Variants in AARS2 observed in about 807,000 individuals in gnomAD.
AARS2 encodes alanine--tRNA ligase, mitochondrial.
A neutral mutation model predicts 119.7 loss-of-function variants in AARS2; 78 were observed. That is an observed-to-expected ratio of 0.65 (90% CI 0.54 to 0.79). The LOEUF (loss-of-function observed/expected upper bound fraction) is 0.79. AARS2 is among the 30% of genes least tolerant of loss of function. The probability of loss-of-function intolerance (pLI) is 0.00; values close to 1 mark genes in which losing one functional copy is unlikely to be tolerated. For missense variants in AARS2, 1,157 were observed against 1,291.3 expected (o/e 0.90, Z 1.59); for synonymous variants, 502 against 526.3 (o/e 0.95, Z 0.63).
chr6:44,308,263 C>T (rs774148045), intron 5 of AARS2, among the ~76,000 whole-genome samples: 8 of 152,132 alleles, frequency 5.3e-5, no homozygotes, highest in Non-Finnish European at 1.0e-4. Context: ...TCAGGCTGGG[C>T]GCGGTGGCTC....
Position 44,307,431 on chromosome 6 carries a change from A to G in AARS2, c.895-37T>C. The G allele has an allele frequency of 1.9e-6, 3 of 1,571,286 alleles. No homozygotes were observed. Among genetic ancestry groups the G allele is most frequent in the Non-Finnish European group, 2.6e-6 (3 of 1,161,560 alleles). ...AAGAGTCAGCCAGTGGCCCTGCCTG[A>G]CCTGGCCCAGGTGGGTGCTCTTTAT... On this transcript the variant is annotated intron_variant, in intron 5 of 21. Transcript: ENST00000244571. The surrounding 1 kb of genome is among the most constrained non-coding windows in gnomAD (Gnocchi z 4.4).
At position 44,300,847 on chromosome 6, in the gene AARS2, G is replaced by C; in HGVS notation, c.2794-136C>G. On this transcript the variant is annotated intron_variant, in intron 21 of 21. Transcript: ENST00000244571. Reference sequence around the variant, plus strand: ...TGGGCACATGGTGGGGCAGTCAGGTGATGAGCCGGAGAAGGTTTGGGCTGG... The same window carrying C: ...TGGGCACATGGTGGGGCAGTCAGGTCATGAGCCGGAGAAGGTTTGGGCTGG... The C allele has an allele frequency of 3.5e-6, 4 of 1,147,838 alleles. No individual in the cohort carries two copies. The Admixed American group carries it at 7.9e-5, about 23-fold the overall frequency. 71.1% of individuals were successfully genotyped at this position (1,147,838 alleles called of 1,614,324 possible).
intron 3 of AARS2, 64 bp from the exon 4 acceptor site, chr6:44,311,225 C>T (rs1786325450): frequency 8.1e-6 from 13 of 1,604,250 alleles, no homozygotes; most frequent in Non-Finnish European, 1.1e-5. Context: ...CTCTCTCTGC[C>T]ATGAGAGCCC....
rs863223861 is a variant in AARS2, at chr6:44,303,114, G to A, written c.2207C>T (p.Pro736Leu). ...GGTCTGCAGTGCGGCTTGGGAGGCT[G>A]GGTCCAATGCATGGGCCACGGGCAC... ...VGVPVAHALDPASQAALQTSV... is the reference protein window; with the variant it reads ...VGVPVAHALDLASQAALQTSV... Residue 736 changes from proline to leucine, a missense_variant, in exon 16 of 22, where the codon CCA becomes CTA. Physicochemically the swap from Pro to Leu is moderately conservative, Grantham distance 98 (BLOSUM62 -3). Coordinates refer to ENST00000244571, the MANE Select transcript of AARS2 (RefSeq NM_020745.4). 28 of 1,614,018 alleles carry A rather than the reference G, an allele frequency of 1.7e-5. No homozygotes were observed. Among genetic ancestry groups the A allele is most frequent in the African/African-American group, 5.3e-5 (4 of 74,946 alleles).
Position 44,303,306 on chromosome 6 carries a change from C to A in AARS2, c.2125G>T (p.Gly709Cys). The change falls in exon 15 of 22, where the codon GGC becomes TGC. Residue 709 changes from glycine (G) to cysteine (C), a missense_variant. Gly to Cys is a radical substitution (Grantham distance 159, BLOSUM62 -3). Transcript: ENST00000244571. ...VPLALTAQVP[G>C]LRSLDEVYPD... The stretch of plus-strand genomic sequence containing the variant: ...CTCACCTCATCCAGAGAGCGCAGGC[C>A]AGGGACCTGGGCAGTGAGCGCCAGG... 6.2e-7 allele frequency: 1 copy of A among 1,614,130 alleles called. No individual in the cohort carries two copies. The highest frequency in any genetic ancestry group is 8.5e-7 in the Non-Finnish European group (1 of 1,180,044).
rs1490242269 is a variant in AARS2, at chr6:44,306,535, G to A, written c.1150-3C>T. Reference sequence around the variant, plus strand: ...TGCAGTTCTGGATAAGCATCTCCCTGGGGGAGGTGGAGAGGGCTGAGGAGG... The same window carrying A: ...TGCAGTTCTGGATAAGCATCTCCCTAGGGGAGGTGGAGAGGGCTGAGGAGG... On this transcript the variant is annotated splice_polypyrimidine_tract_variant and splice_region_variant and intron_variant, in intron 7 of 21. Coordinates refer to ENST00000244571, the MANE Select transcript of AARS2 (RefSeq NM_020745.4). The A allele has an allele frequency of 1.9e-6, 3 of 1,613,974 alleles. No homozygotes were observed. Among genetic ancestry groups the A allele is most frequent in the Admixed American group, 1.7e-5 (1 of 59,998 alleles).
chr6:44,302,680 C>T (rs1261360421), intron 17 of AARS2, 122 bp downstream of exon 17: 7 of 1,450,438 alleles, frequency 4.8e-6, no homozygotes, highest in Admixed American at 1.9e-5. Flanking sequence ...GATATGGCCA[C>T]ATTGGTGTCC....
At chr6:44,306,830 G>A in intron 7 of AARS2, 93 bp downstream of exon 7, 1 of 1,224,548 alleles carries the variant, frequency 8.2e-7, no homozygotes, top group East Asian at 2.3e-5. Flanking sequence ...GGGGACCTCT[G>A]GGCACCCAGG....
chr6:44,310,952 C>A (rs761491129), intron 4 of AARS2, 42 bp downstream of exon 4: 44 of 1,612,976 alleles, frequency 2.7e-5, no homozygotes, highest in Non-Finnish European at 3.6e-5. Flanking sequence ...ACCTTTCCCA[C>A]TTCTAGTCAG....
At position 44,301,248 on chromosome 6, in the gene AARS2, G is replaced by A. The variant is rs145086947; in HGVS notation, c.2701C>T (p.Arg901Trp). The change falls in exon 21 of 22, where the codon CGG (arginine) becomes TGG (tryptophan). Residue 901 changes from arginine to tryptophan, a missense_variant. Coordinates refer to ENST00000244571, the MANE Select transcript of AARS2 (RefSeq NM_020745.4). ...ESLSVLVKVVRQLCEQAPSTS... is the reference protein window; with the variant it reads ...ESLSVLVKVVWQLCEQAPSTS... ...CTGGGGGCCTGCTCACACAGCTGCC[G>A]TACCACCTTCACCAGCACCTGGACC... 91 of 1,613,844 alleles carry A rather than the reference G, an allele frequency of 5.6e-5. 1 individual carries two copies. In the African/African-American group the frequency reaches 8.1e-4, roughly 14 times the overall value.
rs754160021 is a variant in AARS2 at position 44,301,385 on chromosome 6, A to G, written c.2678T>C (p.Leu893Pro). ...LIVDTVSAES[L>P]SVLVKVVRQL... The stretch of plus-strand genomic sequence containing the variant: ...CCCGGCTTGGCTAGCACTCACTGAG[A>G]GAGACTCAGCAGAGACTGTGTCCAC... The change falls in exon 20 of 22, where the codon CTC becomes CCC. Residue 893 changes from leucine (L) to proline (P), a missense_variant. Leu to Pro is a moderately conservative substitution (Grantham distance 98). Transcript: ENST00000244571. 6.2e-6 allele frequency: 10 copies of G among 1,613,854 alleles called. No individual in the cohort carries two copies. The Admixed American group carries it at 1.2e-4, about 19-fold the overall frequency.
chr6:44,304,108 C>G, intron 14 of AARS2, 73 bp downstream of exon 14: 1 of 1,605,588 alleles, frequency 6.2e-7, no homozygotes, highest in Non-Finnish European at 8.5e-7. Context: ...TAAGGGCAAC[C>G]CGCTCACAGC....
chr6:44,301,491 G>C, intron 19 of AARS2, 27 bp from the exon 20 acceptor site: 1 of 1,598,120 alleles, frequency 6.3e-7, no homozygotes, highest in Non-Finnish European at 8.6e-7. Context: ...ACAAGCAGAG[G>C]GGTCAGGCTG....
chr6:44,312,406 G>T, intron 1 of AARS2, 143 bp from the exon 2 acceptor site: 1 of 792,894 alleles, frequency 1.3e-6, no homozygotes, highest in Non-Finnish European at 2.0e-6. Context: ...TGGTCTATGA[G>T]GACAAACTGG....
In AARS2 at chr6:44,310,989, A is replaced by G; in HGVS notation, c.749+5T>C. On this transcript the variant is annotated splice_donor_5th_base_variant and intron_variant, in intron 4 of 21. Transcript: ENST00000244571. Reference sequence around the variant, plus strand: ...GATTCTCATCCTGCTTCAGCACCCTATTACCTGTTGTGTTGCATGAAGACC... The same window carrying G: ...GATTCTCATCCTGCTTCAGCACCCTGTTACCTGTTGTGTTGCATGAAGACC... 3 of 1,613,716 alleles carry G rather than the reference A, an allele frequency of 1.9e-6. No individual in the cohort carries two copies. The South Asian group carries it at 3.3e-5, about 18-fold the overall frequency.
At chr6:44,303,552 A>G (rs550574429) in intron 14 of AARS2, 129 bp from the exon 15 acceptor site, 1 of 1,403,194 alleles carries the variant, frequency 7.1e-7, no homozygotes, top group East Asian at 2.3e-5. Context: ...AGCACATAAT[A>G]GGTGCTCAAT....
rs1162385301 is a variant in AARS2 at position 44,299,451 on chromosome 6, A to T, written c.*1096T>A. Among the ~76,000 whole-genome samples, 21 of 147,584 alleles carry T rather than the reference A, an allele frequency of 1.4e-4. No individual in the cohort carries two copies. Among genetic ancestry groups the T allele is most frequent in the African/African-American group, 5.0e-4 (20 of 39,908 alleles). ...AAAGATTACTTTTTTTTTTTTTTGT[A>T]GACAGGGTCTTGCTGTTTGCGCAGG... On this transcript the variant is annotated 3_prime_UTR_variant, in exon 22 of 22. Coordinates refer to ENST00000244571, the MANE Select transcript of AARS2 (RefSeq NM_020745.4).
chr6:44,307,300 G>T lies in AARS2; in HGVS notation c.989C>A (p.Thr330Lys), dbSNP rs771227157. ...AYRVVADHIR[T>K]LSVCISDGIF... is the part of the protein sequence containing the mutation. Reference sequence around the variant, plus strand: ...GCCATCAGAGATGCAGACACTGAGTGTGCGGATGTGGTCAGCCACCACGCG... The same window carrying T: ...GCCATCAGAGATGCAGACACTGAGTTTGCGGATGTGGTCAGCCACCACGCG... The change falls in exon 6 of 22, where the codon ACA becomes AAA. Residue 330 changes from threonine to lysine, a missense_variant. Transcript: ENST00000244571. This position sits in a 1 kb window ranked among gnomAD's most constrained non-coding sequence, Gnocchi z 4.4. The T allele has an allele frequency of 1.2e-6, 2 of 1,613,812 alleles. No individual in the cohort carries two copies. The highest frequency in any genetic ancestry group is 1.7e-6 in the Non-Finnish European group (2 of 1,179,928).
At chr6:44,303,244 A>C (rs1583051554) in intron 15 of AARS2, 42 bp downstream of exon 15, 1 of 1,614,098 alleles carries the variant, frequency 6.2e-7, no homozygotes, top group Middle Eastern at 1.6e-4. Flanking sequence ...GTATGCCTGA[A>C]GGAGGCCCCC....
Sources: gnomAD v4.1 joint callset for allele counts (sites outside exome capture counted in the v4.1 genomes callset) on GRCh38, gnomAD v4.1.1 for gene constraint, Gnocchi (gnomAD v3.1) non-coding constraint, MANE v1.5 for transcripts, NCBI Gene and HGNC (gene_info 2026-07-23, HGNC 2026-07-21) for gene names.